Variants in DGKB observed in about 807,000 individuals in gnomAD.
The protein encoded by DGKB is 90 kDa diacylglycerol kinase.
A neutral mutation model predicts 114.3 loss-of-function variants in DGKB; 67 were observed. That is an observed-to-expected ratio of 0.59 (90% CI 0.48 to 0.72). The LOEUF (loss-of-function observed/expected upper bound fraction) is 0.72, where lower values mean the gene tolerates loss of function less well. Ranked by LOEUF, DGKB falls within the 30% of genes least tolerant of loss-of-function variation. The pLI is 0.00. For synonymous variants in DGKB, 398 were observed against 323.1 expected (o/e 1.23, Z -2.49); for missense variants, 907 against 975.2 (o/e 0.93, Z 0.93).
chr7:14,702,655 C>A (rs578042078), intron 6 of DGKB, among the ~76,000 whole-genome samples: 2 of 151,942 alleles, frequency 1.3e-5, no homozygotes, highest in African/African-American at 4.8e-5. Flanking sequence ...AATGGAAGTA[C>A]GGGTTTGTCT....
chr7:14,896,093 T>C (rs1048537146), intron 1 of DGKB, among the ~76,000 whole-genome samples: 5 of 151,870 alleles, frequency 3.3e-5, no homozygotes, highest in South Asian at 4.1e-4. Context: ...ATCTAGAAAC[T>C]AATAGGTTTC....
intron 20 of DGKB, among the ~76,000 whole-genome samples, chr7:14,573,010 G>T (rs1051030468): frequency 2.6e-5 from 4 of 152,014 alleles, no homozygotes; most frequent in Non-Finnish European, 5.9e-5. Flanking sequence ...ATAAAAATGG[G>T]CATGAGGGTT....
intron 20 of DGKB, among the ~76,000 whole-genome samples, chr7:14,536,587 T>C (rs61175723): frequency 0.018 from 2,678 of 152,240 alleles, 74 homozygotes; most frequent in African/African-American, 0.059. Context: ...TCAAAAGATG[T>C]TGGAAAAGCA....
At chr7:14,971,530 T>C (rs1787466842) in intron 1 of DGKB, among the ~76,000 whole-genome samples, 1 of 152,114 alleles carries the variant, frequency 6.6e-6, no homozygotes, top group African/African-American at 2.4e-5. Context: ...ACCTAGCCAA[T>C]TTTTCATATT....
chr7:14,851,332 T>G (rs1849320973), intron 1 of DGKB, among the ~76,000 whole-genome samples: 1 of 152,174 alleles, frequency 6.6e-6, no homozygotes, highest in Non-Finnish European at 1.5e-5. Flanking sequence ...GATTTTGAAT[T>G]TGGTTTATTA....
intron 23 of DGKB, among the ~76,000 whole-genome samples, chr7:14,260,063 C>T (rs916562273): frequency 2.7e-5 from 4 of 149,514 alleles, no homozygotes; most frequent in African/African-American, 9.9e-5. Flanking sequence ...CAAATTAAAA[C>T]ACATATACAT....
At chr7:14,911,516 C>A (rs1784002500) in intron 1 of DGKB, among the ~76,000 whole-genome samples, 1 of 152,108 alleles carries the variant, frequency 6.6e-6, no homozygotes, top group African/African-American at 2.4e-5. Context: ...ACACTCAGCT[C>A]AATGTCTGGT....
At chr7:14,722,074 G>A (rs1018464560) in intron 5 of DGKB, among the ~76,000 whole-genome samples, 2 of 152,140 alleles carry the variant, frequency 1.3e-5, no homozygotes, top group Non-Finnish European at 2.9e-5. Flanking sequence ...CACCAAAGTA[G>A]TACGTTAGTT....
At chr7:14,394,985 C>T (rs1043320304) in intron 21 of DGKB, among the ~76,000 whole-genome samples, 2 of 152,058 alleles carry the variant, frequency 1.3e-5, no homozygotes, top group East Asian at 1.9e-4. Context: ...TAATGAACTA[C>T]GACCTCTGAG....
At chr7:14,532,613 T>C (rs12667383) in intron 20 of DGKB, among the ~76,000 whole-genome samples, 19,749 of 151,444 alleles carry the variant, frequency 0.13, 2,074 homozygotes, top group East Asian at 0.52. Flanking sequence ...TATATACATA[T>C]AGCAATAAAT....
chr7:14,219,634 T>C (rs1021036974), intron 23 of DGKB, among the ~76,000 whole-genome samples: 1 of 151,802 alleles, frequency 6.6e-6, no homozygotes, highest in East Asian at 1.9e-4. Context: ...ATTGGGCTAT[T>C]TATTTTTTGT....
Position 14,580,943 on chromosome 7 carries a change from T to G in DGKB, c.1528A>C (p.Asn510His). The change falls in exon 19 of 26, where the codon AAT (asparagine) becomes CAT (histidine). Residue 510 changes from asparagine to histidine, a missense_variant. Transcript: ENST00000402815. The stretch of plus-strand genomic sequence containing the variant: ...GCAACTGGAGGATGCTTGCCTACAT[T>G]GGCCTTTTCTGCAGAATAAAAAAAA... ...GWVLDCIEKANVGKHPPVAIL... is the reference protein window; with the variant it reads ...GWVLDCIEKAHVGKHPPVAIL... The G allele has an allele frequency of 6.3e-7, 1 of 1,596,326 alleles. No individual in the cohort carries two copies. The highest frequency in any genetic ancestry group is 1.1e-5 in the South Asian group (1 of 87,714).
At chr7:14,160,470 A>G (rs1281466845) in intron 25 of DGKB, among the ~76,000 whole-genome samples, 1 of 152,190 alleles carries the variant, frequency 6.6e-6, no homozygotes, top group Non-Finnish European at 1.5e-5. Flanking sequence ...AAGCATTCCT[A>G]TACACCAATA....
intron 20 of DGKB, among the ~76,000 whole-genome samples, chr7:14,545,459 CTG>C (rs1794130583): frequency 6.6e-6 from 1 of 152,144 alleles, no homozygotes; most frequent in Non-Finnish European, 1.5e-5. Flanking sequence ...CCTCAACAGT[CTG>C]TGAGCAGAAA....
chr7:14,284,103 G>A (rs1351094151), intron 23 of DGKB, among the ~76,000 whole-genome samples: 7 of 152,050 alleles, frequency 4.6e-5, no homozygotes, highest in East Asian at 1.9e-4. Flanking sequence ...GAAAATTTTT[G>A]CAACCTGCTC....
chr7:14,637,786 C>A (rs745776582), intron 13 of DGKB, among the ~76,000 whole-genome samples: 1 of 151,674 alleles, frequency 6.6e-6, no homozygotes, highest in Non-Finnish European at 1.5e-5. Flanking sequence ...TTATTCTTAA[C>A]CTAAAATTTT....
intron 1 of DGKB, among the ~76,000 whole-genome samples, chr7:14,921,002 G>A (rs774257604): frequency 2.6e-5 from 4 of 152,046 alleles, no homozygotes; most frequent in African/African-American, 9.7e-5. Context: ...TTGTTACATA[G>A]GTAAATTGTG....
chr7:14,158,501 T>A (rs1783380245), intron 25 of DGKB, among the ~76,000 whole-genome samples: 1 of 152,200 alleles, frequency 6.6e-6, no homozygotes. Context: ...AAGAAGAAAC[T>A]TCTTTAATGG....
At chr7:14,796,353 C>A (rs140715479) in intron 2 of DGKB, among the ~76,000 whole-genome samples, 1 of 152,292 alleles carries the variant, frequency 6.6e-6, no homozygotes, top group Non-Finnish European at 1.5e-5. Context: ...TCAGCTTACA[C>A]AATTCTGCCT....
Sources: gnomAD v4.1 joint callset for allele counts (sites outside exome capture counted in the v4.1 genomes callset) on GRCh38, gnomAD v4.1.1 for gene constraint, MANE v1.5 for transcripts, NCBI Gene and HGNC (gene_info 2026-07-23, HGNC 2026-07-21) for gene names.